DHH: variants seen among roughly 807,000 people sequenced by gnomAD.
DHH encodes desert hedgehog signaling molecule, also known as desert hedgehog protein.
DHH carries 16 observed loss-of-function variants against 27.6 expected under a neutral mutation model. That is an observed-to-expected ratio of 0.58 (90% CI 0.39 to 0.88). DHH has a LOEUF of 0.88. Among genes scored for constraint, DHH ranks in the 40% least tolerant of loss-of-function variants. DHH has a pLI of 0.00. For missense variants in DHH, 436 were observed against 563.1 expected, an observed-to-expected ratio of 0.77 and a Z score of 2.28; for synonymous variants, 289 against 263.4, an observed-to-expected ratio of 1.10 and a Z score of -0.94.
At position 49,090,566 on chromosome 12, in the gene DHH, G is replaced by A. The variant is rs1405836656; in HGVS notation, c.566-82C>T. Reference sequence around the variant, plus strand: ...CTCAAGGCCAGCGCAGATATCGCCAGTCATGGACAACACAATTTTCCGTTA... The same window carrying A: ...CTCAAGGCCAGCGCAGATATCGCCAATCATGGACAACACAATTTTCCGTTA... On this transcript the variant is annotated intron_variant, in intron 2 of 2. Coordinates refer to ENST00000649637, the MANE Select transcript of DHH (RefSeq NM_021044.4). The surrounding 1 kb of genome is among the most constrained non-coding windows in gnomAD (Gnocchi z 5.2). 4 of 1,547,066 alleles carry A rather than the reference G, an allele frequency of 2.6e-6. No individual in the cohort carries two copies. The highest frequency in any genetic ancestry group is 4.6e-5 in the East Asian group (2 of 43,434).
chr12:49,092,488 G>A (rs1170649002), intron 1 of DHH: 1 of 152,326 alleles, frequency 6.6e-6, no homozygotes, highest in East Asian at 1.9e-4. Flanking sequence ...AGGCGCAGAG[G>A]GACAGCTTCC....
At position 49,091,239 on chromosome 12, in the gene DHH, A is replaced by G. The variant is rs534084156; in HGVS notation, c.454T>C (p.Ser152Pro). 1 of 1,614,214 alleles carries G rather than the reference A, an allele frequency of 6.2e-7. No individual in the cohort carries two copies. Among genetic ancestry groups the G allele is most frequent in the East Asian group, 2.2e-5 (1 of 44,884 alleles). The change falls in exon 2 of 3, where the codon TCT (serine) becomes CCT (proline). Residue 152 changes from serine (S) to proline (P), a missense_variant. Physicochemically the swap from Ser to Pro is moderately conservative, Grantham distance 74. Coordinates refer to ENST00000649637, the MANE Select transcript of DHH (RefSeq NM_021044.4). This position sits in a 1 kb window ranked among gnomAD's most constrained non-coding sequence, Gnocchi z 4.8. ...YEGRALDITT[S>P]DRDRNKYGLL... Reference sequence around the variant, plus strand: ...CCATACTTGTTGCGGTCGCGGTCAGACGTAGTGATGTCCAAAGCACGGCCT... The same window carrying G: ...CCATACTTGTTGCGGTCGCGGTCAGGCGTAGTGATGTCCAAAGCACGGCCT...
chr12:49,094,493 A>G lies in DHH; in HGVS notation c.20T>C (p.Leu7Pro), dbSNP rs1194516095. ...AAGTGCCAAGCAGCACAGGGGCAGT[A>G]GATTGGTCAGGAGAGCCATGGATAC... The part of the protein sequence containing the change: MALLTN[L>P]LPLCCLALLA... Residue 7 changes from leucine (L) to proline (P), a missense_variant, in exon 1 of 3, where the codon CTA (leucine) becomes CCA (proline). Physicochemically the swap from Leu to Pro is moderately conservative, Grantham distance 98. Transcript: ENST00000649637. 3 of 1,561,112 alleles carry G rather than the reference A, an allele frequency of 1.9e-6. No individual in the cohort carries two copies. In the East Asian group the frequency reaches 7.2e-5, roughly 38 times the overall value.
rs763964061 is a variant in DHH, at chr12:49,090,447, C to T, written c.603G>A (p.Pro201=). 6.2e-6 allele frequency: 10 copies of T among 1,606,722 alleles called. No homozygotes were observed. The South Asian group carries it at 8.8e-5, about 14-fold the overall frequency. Residue 201 remains proline, a synonymous_variant, in exon 3 of 3, where the codon CCG becomes CCA. Coordinates refer to ENST00000649637, the MANE Select transcript of DHH (RefSeq NM_021044.4). This position sits in a 1 kb window ranked among gnomAD's most constrained non-coding sequence, Gnocchi z 5.2. ...SLAVRAGGCF[P]GNATVRLWSG... ...TCCACAGGCGCACAGTTGCATTTCC[C>T]GGAAAGCAGCCGCCCGCCCGGACCG...
rs890659053 is a variant in DHH, at chr12:49,094,611, A to G, written c.-99T>C. On this transcript the variant is annotated 5_prime_UTR_variant, in exon 1 of 3. Coordinates refer to ENST00000649637, the MANE Select transcript of DHH (RefSeq NM_021044.4). ...AGGCACCAGAGAGGGCAGCAGGCAC[A>G]GCTGCCCCCAGAGTGCCCTAGAGCT... 84 of 1,346,436 alleles carry G rather than the reference A, an allele frequency of 6.2e-5. No homozygotes were observed. The East Asian group carries it at 2.1e-3, about 33-fold the overall frequency. The allele number at this position is 1,346,436 out of a possible 1,614,324, so 83.4% of individuals were successfully genotyped here. A position where few individuals can be genotyped will look rare whatever the true frequency, so the allele number is the denominator to read the frequency against.
In DHH at chr12:49,088,065, T is replaced by C. The variant is rs145309893; in HGVS notation, c.*1794A>G. ...TATTATGCTTTCACCTCCTTGACAA[T>C]TGAACTCAAGGGTCATGAGGGTGAG... On this transcript the variant is annotated 3_prime_UTR_variant, in exon 3 of 3. Coordinates refer to ENST00000649637, the MANE Select transcript of DHH (RefSeq NM_021044.4). Among the ~76,000 whole-genome samples, 12 of 152,206 alleles carry C rather than the reference T, an allele frequency of 7.9e-5. No homozygotes were observed. Among genetic ancestry groups the C allele is most frequent in the African/African-American group, 2.6e-4 (11 of 41,514 alleles).
rs1430758245 is a variant in DHH at position 49,090,209 on chromosome 12, G to T, written c.841C>A (p.Pro281Thr). 3 of 1,552,370 alleles carry T rather than the reference G, an allele frequency of 1.9e-6. No individual in the cohort carries two copies. The African/African-American group carries it at 4.1e-5, about 21-fold the overall frequency. ...HLVFAARGPAPAPGDFAPVFA... is the reference protein window; with the variant it reads ...HLVFAARGPATAPGDFAPVFA... ...ACCGGTGCAAAGTCGCCTGGCGCGG[G>T]CGCCGGCCCTCGAGCGGCAAACACC... The change falls in exon 3 of 3, where the codon CCC becomes ACC. Residue 281 changes from proline to threonine, a missense_variant. Transcript: ENST00000649637. The surrounding 1 kb of genome is among the most constrained non-coding windows in gnomAD (Gnocchi z 5.2).
Position 49,090,206 on chromosome 12 carries a change from C to G in DHH, c.844G>C (p.Ala282Pro). The G allele has an allele frequency of 1.9e-6, 3 of 1,551,846 alleles. No homozygotes were observed. Among genetic ancestry groups the G allele is most frequent in the Non-Finnish European group, 1.7e-6 (2 of 1,148,082 alleles). Residue 282 changes from alanine (A) to proline (P), a missense_variant, in exon 3 of 3, where the codon GCG (alanine) becomes CCG (proline). By Grantham distance (27) the Ala-to-Pro change is conservative (BLOSUM62 -1). Coordinates refer to ENST00000649637, the MANE Select transcript of DHH (RefSeq NM_021044.4). This position sits in a 1 kb window ranked among gnomAD's most constrained non-coding sequence, Gnocchi z 5.2. ...LVFAARGPAP[A>P]PGDFAPVFAR... Reference sequence around the variant, plus strand: ...AACACCGGTGCAAAGTCGCCTGGCGCGGGCGCCGGCCCTCGAGCGGCAAAC... The same window carrying G: ...AACACCGGTGCAAAGTCGCCTGGCGGGGGCGCCGGCCCTCGAGCGGCAAAC...
In DHH at chr12:49,090,435, A is replaced by G; in HGVS notation, c.615T>C (p.Thr205=). ...TCCGCTCGCCGCTCCACAGGCGCACAGTTGCATTTCCCGGAAAGCAGCCGC... is the reference window on the plus strand; with the variant it reads ...TCCGCTCGCCGCTCCACAGGCGCACGGTTGCATTTCCCGGAAAGCAGCCGC... ...RAGGCFPGNA[T]VRLWSGERKG... Residue 205 remains threonine, a synonymous_variant, in exon 3 of 3, where the codon ACT becomes ACC. Coordinates refer to ENST00000649637, the MANE Select transcript of DHH (RefSeq NM_021044.4). The surrounding 1 kb of genome is among the most constrained non-coding windows in gnomAD (Gnocchi z 5.2). 1 of 1,608,962 alleles carries G rather than the reference A, an allele frequency of 6.2e-7. No homozygotes were observed.
chr12:49,089,765 T>A lies in DHH; in HGVS notation c.*94A>T. The A allele has an allele frequency of 8.6e-6, 12 of 1,388,206 alleles. No individual in the cohort carries two copies. The African/African-American group carries it at 1.5e-4, about 17-fold the overall frequency. The allele number at this position is 1,388,206 out of a possible 1,614,324, so 86.0% of individuals were successfully genotyped here. A position where few individuals can be genotyped will look rare whatever the true frequency, so the allele number is the denominator to read the frequency against. The stretch of plus-strand genomic sequence containing the variant: ...CTCCCTCCCCCTCCCTCTCCCTCCC[T>A]TCCAGTCGGCATCGTCTGCTGCCCA... On this transcript the variant is annotated 3_prime_UTR_variant, in exon 3 of 3. Transcript: ENST00000649637.
Position 49,094,430 on chromosome 12 carries a change from C to A in DHH, c.83G>T (p.Gly28Val). The A allele has an allele frequency of 6.2e-7, 1 of 1,606,078 alleles. No homozygotes were observed. The highest frequency in any genetic ancestry group is 8.5e-7 in the Non-Finnish European group (1 of 1,176,750). Residue 28 changes from glycine (G) to valine (V), a missense_variant, in exon 1 of 3, where the codon GGG becomes GTG. Coordinates refer to ENST00000649637, the MANE Select transcript of DHH (RefSeq NM_021044.4). ...LPAQSCGPGR[G>V]PVGRRRYARK... ...CGCATAGCGGCGCCGGCCAACCGGC[C>A]CCCGGCCCGGCCCGCAGCTCTGGGC...
chr12:49,094,456 T>G lies in DHH; in HGVS notation c.57A>C (p.Pro19=), dbSNP rs1026792446. 6.3e-7 allele frequency: 1 copy of G among 1,592,500 alleles called. No individual in the cohort carries two copies. The highest frequency in any genetic ancestry group is 2.3e-5 in the East Asian group (1 of 43,558). Residue 19 remains proline (P), a synonymous_variant, in exon 1 of 3, where the codon CCA becomes CCC. Transcript: ENST00000649637. ...CCCGGCCCGGCCCGCAGCTCTGGGCTGGCAGCGCCAGAAGTGCCAAGCAGC... is the reference window on the plus strand; with the variant it reads ...CCCGGCCCGGCCCGCAGCTCTGGGCGGGCAGCGCCAGAAGTGCCAAGCAGC... ...PLCCLALLAL[P]AQSCGPGRGP...
At position 49,087,595 on chromosome 12, in the gene DHH, T is replaced by A. The variant is rs1939228823; in HGVS notation, c.*2264A>T. 6.6e-6 allele frequency among the ~76,000 whole-genome samples: 1 copy of A among 152,112 alleles called. No homozygotes were observed. The highest frequency in any genetic ancestry group is 2.1e-4 in the South Asian group (1 of 4,830). On this transcript the variant is annotated 3_prime_UTR_variant, in exon 3 of 3. Transcript: ENST00000649637. ...GCATGCACCTGTAGTCCCAGCTACT[T>A]GAGAGGCTGAGGTGGGAGGATTGCT... is the stretch of plus-strand genomic sequence containing the variant.
Position 49,090,094 on chromosome 12 carries a change from T to G in DHH, c.956A>C (p.Glu319Ala). The change falls in exon 3 of 3, where the codon GAG becomes GCG. Residue 319 changes from glutamate (E) to alanine (A), a missense_variant. Glu to Ala is a moderately radical substitution (Grantham distance 107, BLOSUM62 -1). Transcript: ENST00000649637. This position sits in a 1 kb window ranked among gnomAD's most constrained non-coding sequence, Gnocchi z 5.2. ...CGGCGCGAACACGCCCACGGCTTCC[T>G]CCCGCGCCACACGGGCCACGCGCGC... ...RPARVARVAR[E>A]EAVGVFAPLT... 6.5e-7 allele frequency: 1 copy of G among 1,529,504 alleles called. No individual in the cohort carries two copies. Among genetic ancestry groups the G allele is most frequent in the Non-Finnish European group, 8.8e-7 (1 of 1,138,692 alleles). The allele number at this position is 1,529,504 out of a possible 1,614,324, so 94.7% of individuals were successfully genotyped here.
intron 1 of DHH, 137 bp downstream of exon 1, chr12:49,094,073 C>G (rs974565134): frequency 2.5e-5 from 25 of 993,196 alleles, no homozygotes; most frequent in South Asian, 8.9e-5. Context: ...ATTTTTCCCC[C>G]CCCTGGGGCT....
In DHH at chr12:49,091,369, G is replaced by T. The variant is rs750761379; in HGVS notation, c.324C>A (p.Asn108Lys). The change falls in exon 2 of 3, where the codon AAC becomes AAA. Residue 108 changes from asparagine to lysine, a missense_variant. Transcript: ENST00000649637. The surrounding 1 kb of genome is among the most constrained non-coding windows in gnomAD (Gnocchi z 4.8). ...TGTTCATCACGGCAATGGCCAAAGC[G>T]TTCACCCGCTCCTTACAACGCTGGC... ...LMTERCKERVNALAIAVMNMW... is the reference protein window; with the variant it reads ...LMTERCKERVKALAIAVMNMW... 1 of 1,614,190 alleles carries T rather than the reference G, an allele frequency of 6.2e-7. No individual in the cohort carries two copies. The highest frequency in any genetic ancestry group is 1.1e-5 in the South Asian group (1 of 91,088).
Position 49,094,381 on chromosome 12 carries a change from G to A in DHH, c.132C>T (p.Leu44=), listed in dbSNP as rs1463443563. ...RYARKQLVPL[L]YKQFVPGVPE... is the part of the protein sequence containing the mutation. ...GCACGCCGGGCACAAATTGCTTGTA[G>A]AGTAGCGGCACGAGCTGCTTGCGCG... The change falls in exon 1 of 3, where the codon CTC becomes CTT. Residue 44 remains leucine, a synonymous_variant. Transcript: ENST00000649637. 1 of 1,612,790 alleles carries A rather than the reference G, an allele frequency of 6.2e-7. No homozygotes were observed. The highest frequency in any genetic ancestry group is 8.5e-7 in the Non-Finnish European group (1 of 1,179,840).
At chr12:49,094,123 T>G in intron 1 of DHH, 87 bp downstream of exon 1, 2 of 1,458,886 alleles carry the variant, frequency 1.4e-6, no homozygotes, top group African/African-American at 2.8e-5. Flanking sequence ...TCTCTGTAGG[T>G]GAAGCTGGAC....
rs764503829 is a variant in DHH, at chr12:49,090,886, G to C, written c.565+242C>G. ...CCAACTAATTTTCGTATTTATAATAGAGACGGGATTTCACCATGTTGGCTA... is the reference window on the plus strand; with the variant it reads ...CCAACTAATTTTCGTATTTATAATACAGACGGGATTTCACCATGTTGGCTA... On this transcript the variant is annotated intron_variant, in intron 2 of 2. Coordinates refer to ENST00000649637, the MANE Select transcript of DHH (RefSeq NM_021044.4). The surrounding 1 kb of genome is among the most constrained non-coding windows in gnomAD (Gnocchi z 5.2). 2.6e-5 allele frequency among the ~76,000 whole-genome samples: 4 copies of C among 152,110 alleles called. No individual in the cohort carries two copies. Among genetic ancestry groups the C allele is most frequent in the Non-Finnish European group, 4.4e-5 (3 of 68,008 alleles).
Sources: gnomAD v4.1 joint callset for allele counts (sites outside exome capture counted in the v4.1 genomes callset) on GRCh38, gnomAD v4.1.1 for gene constraint, Gnocchi (gnomAD v3.1) non-coding constraint, MANE v1.5 for transcripts, NCBI Gene and HGNC (gene_info 2026-07-23, HGNC 2026-07-21) for gene names.